Variants in BARD1 observed in about 807,000 individuals in gnomAD.
BARD1 encodes BRCA1-associated RING domain protein 1.
A neutral mutation model predicts 77.0 loss-of-function variants in BARD1; 73 were observed. The observed-to-expected ratio is 0.95, with a 90% CI of 0.79 to 1.15. BARD1 has a LOEUF of 1.15. Ranked by LOEUF, BARD1 falls within the 50% of genes most tolerant of loss-of-function variation. BARD1 has a pLI of 0.00. For synonymous variants in BARD1, 384 were observed against 338.0 expected (o/e 1.14, Z -1.49); for missense variants, 993 against 938.8 (o/e 1.06, Z -0.75).
intron 7 of BARD1, 42 bp downstream of exon 7, chr2:214,752,405 T>C (rs1386950091): frequency 1.2e-5 from 19 of 1,523,922 alleles, no homozygotes; most frequent in Non-Finnish European, 1.6e-5. Context: ...TAACCAATTT[T>C]AATAAAATAT....
intron 4 of BARD1, among the ~76,000 whole-genome samples, chr2:214,774,652 A>T (rs1334368892): frequency 6.6e-6 from 1 of 152,228 alleles, no homozygotes; most frequent in African/African-American, 2.4e-5. Flanking sequence ...CACCAGCTGC[A>T]TTAGCCCCTA....
At chr2:214,739,614 G>T (rs768487724) in intron 9 of BARD1, among the ~76,000 whole-genome samples, 40 of 151,888 alleles carry the variant, frequency 2.6e-4, no homozygotes, top group Non-Finnish European at 5.0e-4. Flanking sequence ...TTAAGTAAAA[G>T]AACAGAGAAA....
chr2:214,753,047 T>G (rs1693532962), intron 6 of BARD1, among the ~76,000 whole-genome samples: 1 of 152,190 alleles, frequency 6.6e-6, no homozygotes. Context: ...TAAACATGTG[T>G]GCATACAATA....
intron 6 of BARD1, among the ~76,000 whole-genome samples, chr2:214,757,475 T>C (rs1693746750): frequency 6.6e-6 from 1 of 152,170 alleles, no homozygotes; most frequent in Non-Finnish European, 1.5e-5. Flanking sequence ...TAGTATGAAA[T>C]ACTGGATGAT....
At chr2:214,766,702 A>G (rs1694212861) in intron 6 of BARD1, among the ~76,000 whole-genome samples, 2 of 152,226 alleles carry the variant, frequency 1.3e-5, no homozygotes. Context: ...ATCCTCCCGT[A>G]TACTTTAAAT....
At position 214,727,857 on chromosome 2, in the gene BARD1, G is replaced by A. The variant is rs75314738; in HGVS notation, c.*819C>T. 0.016 allele frequency: 3,451 copies of A among 220,308 alleles called. 34 individuals are homozygous for A. Among genetic ancestry groups the A allele is most frequent in the Middle Eastern group, 0.025 (18 of 718 alleles). 13.6% of individuals were successfully genotyped at this position (220,308 alleles called of 1,614,324 possible). A position where few individuals can be genotyped will look rare whatever the true frequency, so the allele number is the denominator to read the frequency against. ...CTGCTTCTTAATTTAAAGTAATGAC[G>A]TTGGACTGACAATTTGCTAGACTGG... On this transcript the variant is annotated 3_prime_UTR_variant, in exon 11 of 11. Coordinates refer to ENST00000260947, the MANE Select transcript of BARD1 (RefSeq NM_000465.4).
chr2:214,781,625 T>C lies in BARD1; in HGVS notation c.365-116A>G, dbSNP rs1010938306. 1.3e-6 allele frequency: 1 copy of C among 769,044 alleles called. No individual in the cohort carries two copies. The highest frequency in any genetic ancestry group is 1.8e-5 in the African/African-American group (1 of 57,014). 47.6% of individuals were successfully genotyped at this position (769,044 alleles called of 1,614,324 possible). ...AGTGTATCATCTTTTAATTATGTAC[T>C]TCTTTCTCAGCTCCTAGAGTGTGAA... On this transcript the variant is annotated intron_variant, in intron 3 of 10. Coordinates refer to ENST00000260947, the MANE Select transcript of BARD1 (RefSeq NM_000465.4).
chr2:214,734,036 T>C (rs1382615171), intron 9 of BARD1, among the ~76,000 whole-genome samples: 2 of 152,174 alleles, frequency 1.3e-5, no homozygotes, highest in South Asian at 4.1e-4. Flanking sequence ...GCAGATTTGC[T>C]TGCCAGAAAG....
At chr2:214,796,416 G>A (rs144094831) in intron 2 of BARD1, among the ~76,000 whole-genome samples, 286 of 152,296 alleles carry the variant, frequency 1.9e-3, no homozygotes, top group African/African-American at 6.5e-3. Flanking sequence ...AGTGGTATTC[G>A]TATGAAAAGA....
intron 6 of BARD1, among the ~76,000 whole-genome samples, chr2:214,757,969 GAGAA>G (rs780360564): frequency 6.6e-6 from 1 of 152,174 alleles, no homozygotes. Flanking sequence ...GGGAGAGTGA[GAGAA>G]AGAGAGGGAA....
intron 7 of BARD1, 36 bp from the exon 8 acceptor site, chr2:214,745,890 A>G: frequency 3.1e-6 from 5 of 1,611,628 alleles, no homozygotes; most frequent in Non-Finnish European, 4.2e-6. Flanking sequence ...TGTTAAAAAC[A>G]TTAGACGACT....
chr2:214,739,044 G>C (rs1350271817), intron 9 of BARD1, among the ~76,000 whole-genome samples: 4 of 152,100 alleles, frequency 2.6e-5, no homozygotes, highest in Non-Finnish European at 2.9e-5. Context: ...AGCTACTCAG[G>C]AGGCTGAAGC....
intron 3 of BARD1, among the ~76,000 whole-genome samples, chr2:214,786,805 A>G (rs2106123163): frequency 6.6e-6 from 1 of 152,068 alleles, no homozygotes; most frequent in Middle Eastern, 3.4e-3. Context: ...GCTGAACATG[A>G]CCTGGTCCAC....
intron 2 of BARD1, among the ~76,000 whole-genome samples, chr2:214,794,478 T>G (rs1216585748): frequency 6.6e-6 from 1 of 152,190 alleles, no homozygotes; most frequent in Non-Finnish European, 1.5e-5. Flanking sequence ...TTTGCAAAAA[T>G]GTACAACAGT....
Position 214,727,465 on chromosome 2 carries a change from A to C in BARD1, c.*1211T>G, listed in dbSNP as rs1490518120. On this transcript the variant is annotated 3_prime_UTR_variant, in exon 11 of 11. Coordinates refer to ENST00000260947, the MANE Select transcript of BARD1 (RefSeq NM_000465.4). ...AAGTATATTCAATGTCTAGGAAGGA[A>C]TTATTAAAGAATTCTGCTTCTTAAA... 4.3e-6 allele frequency: 1 copy of C among 231,842 alleles called. No homozygotes were observed. The highest frequency in any genetic ancestry group is 2.2e-5 in the African/African-American group (1 of 45,280). The allele number at this position is 231,842 out of a possible 1,614,324, so 14.4% of individuals were successfully genotyped here. A position where few individuals can be genotyped will look rare whatever the true frequency, so the allele number is the denominator to read the frequency against.
Position 214,752,498 on chromosome 2 carries a change from T to A in BARD1, c.1626A>T (p.Leu542=). Residue 542 remains leucine, a synonymous_variant, in exon 7 of 11, where the codon CTA becomes CTT. Coordinates refer to ENST00000260947, the MANE Select transcript of BARD1 (RefSeq NM_000465.4). ...DYTDDESMKS[L]LLLPEKNESS... ...ATTCATTCTTCTCTGGTAGCAGCAA[T>A]AGCGATTTCATACTTTCATCATCTG... 6.2e-7 allele frequency: 1 copy of A among 1,613,848 alleles called. No homozygotes were observed. Among genetic ancestry groups the A allele is most frequent in the South Asian group, 1.1e-5 (1 of 91,082 alleles).
intron 9 of BARD1, among the ~76,000 whole-genome samples, chr2:214,742,022 T>C (rs1230790230): frequency 6.6e-6 from 1 of 152,202 alleles, no homozygotes; most frequent in Non-Finnish European, 1.5e-5. Context: ...ATTTGGTTTA[T>C]GAGAAATCCC....
rs148092589 is a variant in BARD1, at chr2:214,797,159, T to G, written c.159-42A>C. The G allele has an allele frequency of 1.2e-3, 1,777 of 1,459,800 alleles. 23 individuals are homozygous for G. In the African/African-American group the frequency reaches 0.021, roughly 17 times the overall value. The allele number at this position is 1,459,800 out of a possible 1,614,324, so 90.4% of individuals were successfully genotyped here. On this transcript the variant is annotated intron_variant, in intron 1 of 10. Transcript: ENST00000260947. ...AAACAATCAAGATTTGAGTCATTGT[T>G]AGATAAACATCTCACACCCAATATT...
chr2:214,739,937 T>C (rs2106007683), intron 9 of BARD1, among the ~76,000 whole-genome samples: 1 of 152,178 alleles, frequency 6.6e-6, no homozygotes, highest in East Asian at 1.9e-4. Flanking sequence ...AAATATATTA[T>C]TATATCATAA....
Sources: gnomAD v4.1 joint callset for allele counts (sites outside exome capture counted in the v4.1 genomes callset) on GRCh38, gnomAD v4.1.1 for gene constraint, MANE v1.5 for transcripts, NCBI Gene and HGNC (gene_info 2026-07-23, HGNC 2026-07-21) for gene names.